Variants in NOX4 observed in about 807,000 individuals in gnomAD.
NOX4 encodes kidney oxidase-1.
NOX4 carries 69 observed loss-of-function variants against 87.6 expected under a neutral mutation model. That is an observed-to-expected ratio of 0.79 (90% confidence interval 0.65 to 0.96). The LOEUF is 0.96. NOX4 is among the 40% of genes least tolerant of loss of function. The pLI, the probability that NOX4 is intolerant of heterozygous loss-of-function variation, is 0.00. For missense variants in NOX4, 680 were observed against 681.5 expected, an observed-to-expected ratio of 1.00 and a Z score of 0.02; for synonymous variants, 275 against 238.2, an observed-to-expected ratio of 1.15 and a Z score of -1.42.
chr11:89,425,641 GA>G (rs1174023894), intron 7 of NOX4, among the ~76,000 whole-genome samples: 1 of 151,886 alleles, frequency 6.6e-6, no homozygotes, highest in Non-Finnish European at 1.5e-5. Flanking sequence ...ATATAAGAGA[GA>G]AAAAATGATT....
intron 3 of NOX4, among the ~76,000 whole-genome samples, chr11:89,451,357 C>T (rs1165143609): frequency 2.6e-5 from 4 of 152,018 alleles, no homozygotes; most frequent in Non-Finnish European, 5.9e-5. Context: ...CTGGATTTAG[C>T]TAAGTGAAAA....
chr11:89,553,958 C>A, the NOX4 span, among the ~76,000 whole-genome samples: 1 of 151,156 alleles, frequency 6.6e-6, no homozygotes, highest in African/African-American at 2.4e-5. Flanking sequence ...CCTATCCGCT[C>A]ACGGAAACTG....
chr11:89,425,746 T>C lies in NOX4; in HGVS notation c.549-3764A>G, dbSNP rs531393115. 5.9e-5 allele frequency among the ~76,000 whole-genome samples: 9 copies of C among 152,138 alleles called. No individual in the cohort carries two copies. In the South Asian group the frequency reaches 6.2e-4, roughly 11 times the overall value. On this transcript the variant is annotated intron_variant, in intron 7 of 17. Coordinates refer to ENST00000263317, the MANE Select transcript of NOX4 (RefSeq NM_016931.5). ...ATGTACAGTATTAATCTTTGGGTAGTGAGTAGACTTGTGAAATTTTAGGGT... is the reference window on the plus strand; with the variant it reads ...ATGTACAGTATTAATCTTTGGGTAGCGAGTAGACTTGTGAAATTTTAGGGT...
the NOX4 span, among the ~76,000 whole-genome samples, chr11:89,574,420 G>A: frequency 1.3e-5 from 2 of 152,104 alleles, no homozygotes; most frequent in Non-Finnish European, 2.9e-5. Context: ...CCAAAAAGCA[G>A]GCTCTTCTCT....
At chr11:89,525,635 T>A in the NOX4 span, among the ~76,000 whole-genome samples, 14 of 152,222 alleles carry the variant, frequency 9.2e-5, no homozygotes, top group Middle Eastern at 6.8e-3. Flanking sequence ...GACAGATATA[T>A]ATGTTTTATA....
chr11:89,531,086 CT>C, the NOX4 span, among the ~76,000 whole-genome samples: 1 of 152,184 alleles, frequency 6.6e-6, no homozygotes, highest in Non-Finnish European at 1.5e-5. Context: ...AGCTGGCTTT[CT>C]TTACTTGCAA....
intron 12 of NOX4, among the ~76,000 whole-genome samples, chr11:89,361,100 T>A (rs1340035377): frequency 6.6e-6 from 1 of 152,028 alleles, no homozygotes; most frequent in South Asian, 2.1e-4. Flanking sequence ...CACTACTAGG[T>A]ATCTACCCAA....
intron 6 of NOX4, among the ~76,000 whole-genome samples, chr11:89,437,430 C>T (rs771946266): frequency 2.6e-5 from 4 of 152,090 alleles, no homozygotes; most frequent in Non-Finnish European, 5.9e-5. Context: ...CTGTCACCTG[C>T]TAGTCTTCAG....
At chr11:89,451,394 A>G (rs1370672632) in intron 3 of NOX4, among the ~76,000 whole-genome samples, 1 of 152,142 alleles carries the variant, frequency 6.6e-6, no homozygotes, top group Non-Finnish European at 1.5e-5. Flanking sequence ...GACAAGACAT[A>G]ATGGAAAGAA....
chr11:89,435,668 A>G (rs1332633414), intron 6 of NOX4, among the ~76,000 whole-genome samples: 1 of 152,050 alleles, frequency 6.6e-6, no homozygotes, highest in Non-Finnish European at 1.5e-5. Context: ...TAGAGGAAGT[A>G]AAATAGTTTA....
In NOX4 at chr11:89,326,850, C is replaced by A; in HGVS notation, c.1643G>T (p.Gly548Val). The A allele has an allele frequency of 6.2e-7, 1 of 1,613,064 alleles. No homozygotes were observed. Among genetic ancestry groups the A allele is most frequent in the South Asian group, 1.1e-5 (1 of 90,996 alleles). ...AAGAGTCTTGGATAGTGAATTGGGT[C>A]CACAACAGAAAACACCAACTGTTTT... The part of the protein sequence containing the change: ...RGKTVGVFCC[G>V]PNSLSKTLHK... Residue 548 changes from glycine to valine, a missense_variant, in exon 18 of 18, where the codon GGA (glycine) becomes GTA (valine). Coordinates refer to ENST00000263317, the MANE Select transcript of NOX4 (RefSeq NM_016931.5).
intron 6 of NOX4, among the ~76,000 whole-genome samples, chr11:89,435,620 G>T (rs540286938): frequency 6.6e-6 from 1 of 152,016 alleles, no homozygotes; most frequent in African/African-American, 2.4e-5. Flanking sequence ...TCAGAGTATT[G>T]CTTTTAGGTC....
At chr11:89,356,120 A>T (rs1412811429) in intron 12 of NOX4, among the ~76,000 whole-genome samples, 1 of 152,196 alleles carries the variant, frequency 6.6e-6, no homozygotes, top group Non-Finnish European at 1.5e-5. Context: ...TAAGTATGAT[A>T]TATATGAAAT....
At chr11:89,430,424 G>C (rs1275816141) in intron 7 of NOX4, among the ~76,000 whole-genome samples, 1 of 152,166 alleles carries the variant, frequency 6.6e-6, no homozygotes, top group Non-Finnish European at 1.5e-5. Flanking sequence ...GTCCCTGTTT[G>C]CAGATGAAAG....
the NOX4 span, among the ~76,000 whole-genome samples, chr11:89,531,177 G>C: frequency 6.6e-6 from 1 of 152,128 alleles, no homozygotes; most frequent in Non-Finnish European, 1.5e-5. Context: ...CAATCTCAAA[G>C]ATCAAGTTGA....
intron 17 of NOX4, among the ~76,000 whole-genome samples, chr11:89,330,651 G>A (rs1326109216): frequency 6.7e-6 from 1 of 148,794 alleles, no homozygotes; most frequent in Non-Finnish European, 1.5e-5. Flanking sequence ...AAATACAGAG[G>A]CATGGCTAAC....
At chr11:89,396,861 A>G (rs1241264451) in intron 11 of NOX4, among the ~76,000 whole-genome samples, 1 of 152,076 alleles carries the variant, frequency 6.6e-6, no homozygotes, top group African/African-American at 2.4e-5. Context: ...CTCCCACTCA[A>G]TAATAGTGGG....
At chr11:89,447,073 A>C (rs559276518) in intron 4 of NOX4, among the ~76,000 whole-genome samples, 1 of 151,748 alleles carries the variant, frequency 6.6e-6, no homozygotes, top group Non-Finnish European at 1.5e-5. Flanking sequence ...TTTTAAGAGG[A>C]AAAAAAATGG....
intron 12 of NOX4, among the ~76,000 whole-genome samples, chr11:89,362,845 G>C (rs1423962031): frequency 1.3e-5 from 2 of 151,974 alleles, no homozygotes; most frequent in African/African-American, 4.8e-5. Flanking sequence ...GCTTGAAATA[G>C]AAGGTACAAA....
Sources: allele counts gnomAD v4.1 joint callset (sites outside exome capture counted in the v4.1 genomes callset), GRCh38; gene constraint gnomAD v4.1.1; transcripts MANE v1.5; gene names NCBI Gene and HGNC (gene_info 2026-07-23, HGNC 2026-07-21).